FBXL7: variants seen among roughly 807,000 people sequenced by gnomAD.
The protein encoded by FBXL7 is F-box/LRR-repeat protein 7.
A neutral mutation model predicts 38.3 loss-of-function variants in FBXL7; 12 were observed. The ratio of observed to expected loss-of-function variants is 0.31; its 90% CI spans 0.20 to 0.51. FBXL7 has a LOEUF of 0.51. Ranked by LOEUF, FBXL7 falls within the 20% of genes least tolerant of loss-of-function variation. The pLI is 0.98. For synonymous variants in FBXL7, 297 were observed against 300.9 expected (o/e 0.99, Z 0.13); for missense variants, 567 against 676.4 (o/e 0.84, Z 1.79).
At chr5:15,628,448 A>C (rs1237635343) in intron 2 of FBXL7, among the ~76,000 whole-genome samples, 2 of 152,146 alleles carry the variant, frequency 1.3e-5, no homozygotes, top group African/African-American at 4.8e-5. Context: ...GTGTCCCTGA[A>C]ATCTTTAGTC....
At chr5:15,691,969 G>A (rs374269011) in intron 2 of FBXL7, among the ~76,000 whole-genome samples, 2 of 152,118 alleles carry the variant, frequency 1.3e-5, no homozygotes, top group African/African-American at 4.8e-5. Context: ...AATCATATAA[G>A]ACTGGTGTGT....
chr5:15,810,327 G>A (rs1579482816), intron 2 of FBXL7, among the ~76,000 whole-genome samples: 4 of 152,146 alleles, frequency 2.6e-5, no homozygotes, highest in South Asian at 2.1e-4. Flanking sequence ...TTGGGAGGCC[G>A]AGGTGGGCAG....
chr5:15,526,398 C>G (rs182140450), intron 1 of FBXL7, among the ~76,000 whole-genome samples: 31 of 152,264 alleles, frequency 2.0e-4, no homozygotes, highest in African/African-American at 7.2e-4. Context: ...TACACCTTGT[C>G]TGGGAAGAAA....
chr5:15,887,479 C>T (rs1740724320), intron 2 of FBXL7, among the ~76,000 whole-genome samples: 1 of 152,170 alleles, frequency 6.6e-6, no homozygotes. Context: ...TAGGAATTGC[C>T]AAATGGGATT....
In FBXL7 at chr5:15,865,381, G is replaced by A. The variant is rs142619333; in HGVS notation, c.128-62509G>A. On this transcript the variant is annotated intron_variant, in intron 2 of 3. Coordinates refer to ENST00000504595, the MANE Select transcript of FBXL7 (RefSeq NM_012304.5). ...GAGAAAACAGCTTAAAAGCAAATTGGAGCTTACCTGAATGTTCGAAGAGGG... is the reference window on the plus strand; with the variant it reads ...GAGAAAACAGCTTAAAAGCAAATTGAAGCTTACCTGAATGTTCGAAGAGGG... 4.9e-3 allele frequency among the ~76,000 whole-genome samples: 739 copies of A among 152,280 alleles called. 5 individuals carry two copies. The highest frequency in any genetic ancestry group is 0.016 in the African/African-American group (676 of 41,556).
intron 1 of FBXL7, among the ~76,000 whole-genome samples, chr5:15,515,429 T>C (rs1736908190): frequency 6.6e-6 from 1 of 152,242 alleles, no homozygotes. Context: ...CTGCTGCTGC[T>C]ATAACTCAGA....
At chr5:15,913,461 A>T (rs1056823512) in intron 2 of FBXL7, among the ~76,000 whole-genome samples, 1 of 152,164 alleles carries the variant, frequency 6.6e-6, no homozygotes, top group Admixed American at 6.6e-5. Flanking sequence ...ACATGGTCGT[A>T]AGTTTAGTGG....
intron 2 of FBXL7, among the ~76,000 whole-genome samples, chr5:15,737,210 A>G (rs935850141): frequency 1.3e-5 from 2 of 152,112 alleles, no homozygotes; most frequent in African/African-American, 2.4e-5. Context: ...TGTCTTATCT[A>G]TTCTGCACTG....
In FBXL7 at chr5:15,770,563, A is replaced by G. The variant is rs527984385; in HGVS notation, c.127+154491A>G. On this transcript the variant is annotated intron_variant, in intron 2 of 3. Transcript: ENST00000504595. ...GGCAATAAACGAACGAGTAGCTACT[A>G]CCTCCAGACTTTTTCATATGAGATG... Among the ~76,000 whole-genome samples the G allele has an allele frequency of 2.6e-5, 4 of 152,148 alleles. No homozygotes were observed. In the East Asian group the frequency reaches 7.7e-4, roughly 29 times the overall value.
intron 2 of FBXL7, among the ~76,000 whole-genome samples, chr5:15,642,476 G>T (rs1461741458): frequency 1.3e-5 from 2 of 152,176 alleles, no homozygotes; most frequent in Non-Finnish European, 2.9e-5. Flanking sequence ...GCTTGCAGTG[G>T]TTGGCATGAC....
intron 2 of FBXL7, among the ~76,000 whole-genome samples, chr5:15,714,163 G>A (rs1743966558): frequency 6.6e-6 from 1 of 152,220 alleles, no homozygotes; most frequent in Non-Finnish European, 1.5e-5. Context: ...CCCAGTGTTA[G>A]AGGAGGGGTT....
chr5:15,595,581 A>G (rs1739604128), intron 1 of FBXL7, among the ~76,000 whole-genome samples: 1 of 152,230 alleles, frequency 6.6e-6, no homozygotes, highest in Admixed American at 6.5e-5. Flanking sequence ...ATTACTAGGT[A>G]ACATTTGTTG....
intron 1 of FBXL7, among the ~76,000 whole-genome samples, chr5:15,590,735 C>G (rs1561041379): frequency 6.6e-6 from 1 of 152,052 alleles, no homozygotes; most frequent in Non-Finnish European, 1.5e-5. Context: ...TAGTCCTCCC[C>G]TGGACTGTGG....
At chr5:15,897,114 T>C (rs1373615682) in intron 2 of FBXL7, among the ~76,000 whole-genome samples, 2 of 152,160 alleles carry the variant, frequency 1.3e-5, no homozygotes, top group East Asian at 1.9e-4. Context: ...GCCTGGGTGA[T>C]GGAGTGAGAC....
chr5:15,822,336 T>C (rs1220449833), intron 2 of FBXL7, among the ~76,000 whole-genome samples: 1 of 152,042 alleles, frequency 6.6e-6, no homozygotes, highest in Non-Finnish European at 1.5e-5. Context: ...CACTCCAGCC[T>C]GGGTGACAGA....
chr5:15,619,983 G>A (rs1439425680), intron 2 of FBXL7, among the ~76,000 whole-genome samples: 5 of 152,128 alleles, frequency 3.3e-5, no homozygotes, highest in Non-Finnish European at 7.3e-5. Flanking sequence ...AGAAAACAGA[G>A]GGCCCTCACA....
intron 2 of FBXL7, among the ~76,000 whole-genome samples, chr5:15,830,109 C>T (rs944594660): frequency 1.3e-5 from 2 of 152,150 alleles, no homozygotes; most frequent in Non-Finnish European, 2.9e-5. Flanking sequence ...GAGACTTAAA[C>T]TTCAGCTCCC....
At chr5:15,916,049 G>T (rs1387643043) in intron 2 of FBXL7, among the ~76,000 whole-genome samples, 4 of 152,168 alleles carry the variant, frequency 2.6e-5, no homozygotes, top group Non-Finnish European at 4.4e-5. Flanking sequence ...CAGAACGTAA[G>T]GCGGAACTTT....
intron 2 of FBXL7, among the ~76,000 whole-genome samples, chr5:15,837,632 G>A (rs896075400): frequency 1.3e-5 from 2 of 152,174 alleles, no homozygotes; most frequent in Non-Finnish European, 2.9e-5. Flanking sequence ...ACCCTCTGTA[G>A]ATAATTTATT....
Sources: gnomAD v4.1 joint callset for allele counts (sites outside exome capture counted in the v4.1 genomes callset) on GRCh38, gnomAD v4.1.1 for gene constraint, MANE v1.5 for transcripts, NCBI Gene and HGNC (gene_info 2026-07-23, HGNC 2026-07-21) for gene names.